The following COLGALT2 variants were observed in gnomAD, a reference collection of about 807,000 sequenced individuals.
COLGALT2 encodes collagen beta(1-O)galactosyltransferase 2, also known as procollagen galactosyltransferase 2.
A neutral mutation model predicts 73.4 loss-of-function variants in COLGALT2; 49 were observed. That is an observed-to-expected ratio of 0.67 (90% CI 0.53 to 0.85). The LOEUF (loss-of-function observed/expected upper bound fraction) is 0.85. Ranked by LOEUF, COLGALT2 falls within the 40% of genes least tolerant of loss-of-function variation. COLGALT2 has a pLI of 0.00. For synonymous variants in COLGALT2, 295 were observed against 307.6 expected (o/e 0.96, Z 0.43); for missense variants, 722 against 790.2 (o/e 0.91, Z 1.03).
At chr1:183,944,356 GAA>G (rs1297613423) in intron 9 of COLGALT2, 33 bp from the exon 10 acceptor site, 1 of 1,586,024 alleles carries the variant, frequency 6.3e-7, no homozygotes, top group East Asian at 2.3e-5. Context: ...GATACCCTAT[GAA>G]AAGTTTGAAA....
At chr1:184,011,710 T>C (rs1031567120) in intron 1 of COLGALT2, among the ~76,000 whole-genome samples, 1 of 152,210 alleles carries the variant, frequency 6.6e-6, no homozygotes, top group African/African-American at 2.4e-5. Context: ...TTATAGTCAG[T>C]AGGCAGCTCT....
intron 6 of COLGALT2, among the ~76,000 whole-genome samples, chr1:183,960,819 C>T (rs545169608): frequency 1.4e-4 from 22 of 152,120 alleles, no homozygotes; most frequent in African/African-American, 5.3e-4. Flanking sequence ...TATGTGTGGC[C>T]CAAGACAATC....
intron 1 of COLGALT2, among the ~76,000 whole-genome samples, chr1:184,018,411 G>GT: frequency 6.6e-6 from 1 of 152,188 alleles, no homozygotes; most frequent in Middle Eastern, 3.4e-3. Context: ...GAAGAAGAAT[G>GT]TTTCTTTTCT....
chr1:183,996,959 AG>A (rs1344677885), intron 1 of COLGALT2, among the ~76,000 whole-genome samples: 8 of 152,210 alleles, frequency 5.3e-5, no homozygotes, highest in Admixed American at 3.3e-4. Flanking sequence ...TGCCTGAGTC[AG>A]GAAGGGGGTC....
intron 1 of COLGALT2, among the ~76,000 whole-genome samples, chr1:184,020,568 G>A (rs1242425457): frequency 6.6e-6 from 1 of 151,916 alleles, no homozygotes; most frequent in Non-Finnish European, 1.5e-5. Flanking sequence ...CAGGCCTTGG[G>A]GCTCAAATAG....
rs1216536818 is a variant in COLGALT2 at position 184,037,490 on chromosome 1, C to G, written c.-133G>C. On this transcript the variant is annotated 5_prime_UTR_variant, in exon 1 of 12. Transcript: ENST00000361927. ...GGGGATGCGGCTTGCCGCGGCCGGC[C>G]GGCTCACACACTGGCCTCGGCGGCT... 41 of 1,177,666 alleles carry G rather than the reference C, an allele frequency of 3.5e-5. No homozygotes were observed. Among genetic ancestry groups the G allele is most frequent in the Non-Finnish European group, 4.3e-5 (41 of 954,736 alleles). 73.0% of individuals were successfully genotyped at this position (1,177,666 alleles called of 1,614,324 possible).
chr1:183,967,240 T>C (rs1670900332), intron 5 of COLGALT2, among the ~76,000 whole-genome samples: 1 of 152,262 alleles, frequency 6.6e-6, no homozygotes, highest in South Asian at 2.1e-4. Context: ...GCCCTGTTCA[T>C]GGTCTGCACC....
At chr1:183,944,173 C>A in intron 10 of COLGALT2, 23 bp downstream of exon 10, 1 of 1,602,000 alleles carries the variant, frequency 6.2e-7, no homozygotes, top group South Asian at 1.1e-5. Context: ...AGAGCCCTCT[C>A]GTAAGATCAT....
chr1:184,000,303 T>C (rs1386552364), intron 1 of COLGALT2, among the ~76,000 whole-genome samples: 1 of 152,142 alleles, frequency 6.6e-6, no homozygotes, highest in African/African-American at 2.4e-5. Flanking sequence ...TTTTTCAATT[T>C]TTCTTTTCTT....
intron 7 of COLGALT2, among the ~76,000 whole-genome samples, chr1:183,953,637 G>A (rs771495221): frequency 6.6e-6 from 1 of 152,102 alleles, no homozygotes; most frequent in African/African-American, 2.4e-5. Context: ...CTATAGCCCT[G>A]ATCATTTTTA....
At chr1:183,981,761 A>AT (rs1553317620) in intron 1 of COLGALT2, among the ~76,000 whole-genome samples, 1 of 151,896 alleles carries the variant, frequency 6.6e-6, no homozygotes, top group African/African-American at 2.4e-5. Flanking sequence ...TATTCAAAAA[A>AT]TTTTTTTTAT....
intron 1 of COLGALT2, among the ~76,000 whole-genome samples, chr1:183,980,314 TC>T (rs1029472511): frequency 5.3e-5 from 8 of 151,634 alleles, no homozygotes; most frequent in African/African-American, 1.9e-4. Flanking sequence ...TTGAGAAAGA[TC>T]AATAAAAGAC....
intron 6 of COLGALT2, among the ~76,000 whole-genome samples, chr1:183,963,629 C>T (rs949179143): frequency 1.3e-5 from 2 of 152,202 alleles, no homozygotes; most frequent in African/African-American, 4.8e-5. Context: ...CCACAAAACA[C>T]TATTATAGCA....
intron 4 of COLGALT2, 104 bp from the exon 5 acceptor site, chr1:183,969,577 C>T (rs1670980891): frequency 2.9e-6 from 3 of 1,022,628 alleles, no homozygotes; most frequent in Non-Finnish European, 4.2e-6. Context: ...CAGCTATATA[C>T]AAGCTCCCAA....
intron 1 of COLGALT2, among the ~76,000 whole-genome samples, chr1:184,017,314 G>A (rs1213777569): frequency 2.0e-5 from 3 of 152,124 alleles, no homozygotes; most frequent in Non-Finnish European, 4.4e-5. Flanking sequence ...GTTTTGACAA[G>A]GCATAGAGAG....
chr1:183,930,195 G>T (rs1669810215), exon 12 of COLGALT2: 1 of 456,184 alleles, frequency 2.2e-6, no homozygotes, highest in Admixed American at 2.3e-5. Flanking sequence ...TGCCACAGAG[G>T]GGTAATGCCT....
chr1:183,994,026 C>CTTTTTTTT (rs869129633), intron 1 of COLGALT2, among the ~76,000 whole-genome samples: 17 of 70,040 alleles, frequency 2.4e-4, no homozygotes, highest in African/African-American at 3.5e-4. Context: ...TCTTGTAATT[C>CTTTTTTTT]TTTTTTTTTT....
chr1:183,982,713 G>A (rs759459058), intron 1 of COLGALT2, among the ~76,000 whole-genome samples: 65 of 152,132 alleles, frequency 4.3e-4, no homozygotes, highest in Non-Finnish European at 7.2e-4. Context: ...GATCACTTGA[G>A]CCCAGGAGTT....
At chr1:183,995,286 A>T (rs764573092) in intron 1 of COLGALT2, among the ~76,000 whole-genome samples, 1 of 152,224 alleles carries the variant, frequency 6.6e-6, no homozygotes, top group Non-Finnish European at 1.5e-5. Context: ...ACAACCAAAC[A>T]TTTTTAAAAA....
Sources: allele counts gnomAD v4.1 joint callset (sites outside exome capture counted in the v4.1 genomes callset), GRCh38; gene constraint gnomAD v4.1.1; transcripts MANE v1.5; gene names NCBI Gene and HGNC (gene_info 2026-07-23, HGNC 2026-07-21).